VEPH1: variants seen among roughly 807,000 people sequenced by gnomAD.
VEPH1 encodes the protein ventricular zone-expressed PH domain-containing protein homolog 1.
Under a neutral mutation model 85.2 loss-of-function variants are expected in VEPH1, and 80 were observed. The ratio of observed to expected loss-of-function variants is 0.94; its 90% CI spans 0.78 to 1.13. The LOEUF (loss-of-function observed/expected upper bound fraction) is 1.13. Among genes scored for constraint, VEPH1 ranks in the 50% most tolerant of loss-of-function variants. The pLI is 0.00. For missense variants in VEPH1, 955 were observed against 980.5 expected (o/e 0.97, Z 0.35); for synonymous variants, 297 against 348.0 (o/e 0.85, Z 1.63).
At chr3:157,412,392 A>G (rs950603362) in intron 6 of VEPH1, among the ~76,000 whole-genome samples, 5 of 152,168 alleles carry the variant, frequency 3.3e-5, no homozygotes, top group Non-Finnish European at 7.4e-5. Context: ...AGTGTGCATT[A>G]CTATACATTA....
At chr3:157,461,890 A>G (rs905349131) in intron 3 of VEPH1, among the ~76,000 whole-genome samples, 2 of 152,158 alleles carry the variant, frequency 1.3e-5, no homozygotes, top group African/African-American at 4.8e-5. Context: ...TAACTCAAAA[A>G]TAATTAACAA....
At chr3:157,263,960 G>A (rs1045672747) in intron 13 of VEPH1, among the ~76,000 whole-genome samples, 6 of 152,082 alleles carry the variant, frequency 3.9e-5, no homozygotes, top group Non-Finnish European at 8.8e-5. Flanking sequence ...AACTTGACTG[G>A]GCTAATGGGT....
At chr3:157,426,196 G>A (rs1732741128) in intron 5 of VEPH1, among the ~76,000 whole-genome samples, 1 of 152,178 alleles carries the variant, frequency 6.6e-6, no homozygotes, top group Non-Finnish European at 1.5e-5. Flanking sequence ...GTACCCTCCA[G>A]AATCCATTTC....
intron 7 of VEPH1, among the ~76,000 whole-genome samples, chr3:157,364,782 TG>T (rs1726448117): frequency 1.3e-5 from 2 of 152,242 alleles, no homozygotes; most frequent in Admixed American, 6.5e-5. Context: ...GCAGTTTTTA[TG>T]CTCATGTACC....
chr3:157,426,152 T>G (rs1172950546), intron 5 of VEPH1, among the ~76,000 whole-genome samples: 1 of 152,232 alleles, frequency 6.6e-6, no homozygotes, highest in Non-Finnish European at 1.5e-5. Flanking sequence ...TGGGTATATC[T>G]TTATCAGCAG....
intron 12 of VEPH1, chr3:157,284,875 A>G (rs1716577758): frequency 6.6e-6 from 1 of 152,244 alleles, no homozygotes; most frequent in African/African-American, 2.4e-5. Flanking sequence ...TGTGAGGAAC[A>G]CAAATAAGAA....
At chr3:157,444,711 G>A (rs1734409769) in intron 4 of VEPH1, among the ~76,000 whole-genome samples, 2 of 152,178 alleles carry the variant, frequency 1.3e-5, no homozygotes, top group South Asian at 4.1e-4. Flanking sequence ...TTTAAGTGAT[G>A]CCAGATGTTG....
rs116322484 is a variant in VEPH1, at chr3:157,467,277, A to G, written c.354+3037T>C. 9.3e-3 allele frequency among the ~76,000 whole-genome samples: 1,416 copies of G among 152,196 alleles called. 11 individuals carry two copies. The highest frequency in any genetic ancestry group is 0.013 in the Non-Finnish European group (898 of 67,996). On this transcript the variant is annotated intron_variant, in intron 3 of 13. Coordinates refer to ENST00000362010, the MANE Select transcript of VEPH1 (RefSeq NM_001167912.2). ...CAGACAGTAAGACCCTGGGTTGCTTATCTGGGGAGATGGGATGGGTGGAGA... is the reference window on the plus strand; with the variant it reads ...CAGACAGTAAGACCCTGGGTTGCTTGTCTGGGGAGATGGGATGGGTGGAGA...
intron 11 of VEPH1, among the ~76,000 whole-genome samples, chr3:157,300,387 A>T (rs532304051): frequency 8.5e-5 from 13 of 152,322 alleles, no homozygotes; most frequent in African/African-American, 2.4e-4. Context: ...CTAACTGTGA[A>T]GGAATGTTCA....
At chr3:157,464,592 T>C (rs995830257) in intron 3 of VEPH1, among the ~76,000 whole-genome samples, 2 of 152,226 alleles carry the variant, frequency 1.3e-5, no homozygotes, top group African/African-American at 2.4e-5. Context: ...GGGGACAATT[T>C]AGCTGTAGAG....
intron 9 of VEPH1, among the ~76,000 whole-genome samples, chr3:157,335,276 T>G (rs1722859397): frequency 6.6e-6 from 1 of 150,502 alleles, no homozygotes; most frequent in Non-Finnish European, 1.5e-5. Context: ...CCTGTGCTTG[T>G]AGTTCCAGCT....
intron 4 of VEPH1, among the ~76,000 whole-genome samples, chr3:157,442,144 C>T (rs1335644647): frequency 6.6e-6 from 1 of 152,070 alleles, no homozygotes; most frequent in African/African-American, 2.4e-5. Context: ...CGTGCTTTCT[C>T]TTCATTTAGA....
chr3:157,265,387 G>T, intron 13 of VEPH1, 139 bp downstream of exon 13: 1 of 924,338 alleles, frequency 1.1e-6, no homozygotes, highest in Non-Finnish European at 1.6e-6. Context: ...ACACAGAAAT[G>T]TGTGATAAAA....
At chr3:157,423,333 G>A (rs1337676021) in intron 5 of VEPH1, among the ~76,000 whole-genome samples, 1 of 152,214 alleles carries the variant, frequency 6.6e-6, no homozygotes, top group Non-Finnish European at 1.5e-5. Flanking sequence ...CTCTAGCCTT[G>A]CTCCTCAAAA....
At position 157,261,071 on chromosome 3, in the gene VEPH1, T is replaced by G; in HGVS notation, c.*63A>C. On this transcript the variant is annotated 3_prime_UTR_variant, in exon 14 of 14. Transcript: ENST00000362010. Reference sequence around the variant, plus strand: ...GCTTGGTAAATTTAGCTCTTTTTCTTGACATTGGCAATGATAATACAATGC... The same window carrying G: ...GCTTGGTAAATTTAGCTCTTTTTCTGGACATTGGCAATGATAATACAATGC... The G allele has an allele frequency of 1.3e-6, 2 of 1,571,926 alleles. No individual in the cohort carries two copies. The highest frequency in any genetic ancestry group is 1.7e-6 in the Non-Finnish European group (2 of 1,158,508).
Position 157,379,179 on chromosome 3 carries a change from A to G in VEPH1, c.1127+1977T>C, listed in dbSNP as rs550667110. Among the ~76,000 whole-genome samples the G allele has an allele frequency of 5.3e-5, 8 of 152,364 alleles. No homozygotes were observed. The East Asian group carries it at 1.5e-3, about 29-fold the overall frequency. Reference sequence around the variant, plus strand: ...AACAAACCCTTGCTTCTAACACAGCATGAAAGGCCTCTGATAATCTGCCTC... The same window carrying G: ...AACAAACCCTTGCTTCTAACACAGCGTGAAAGGCCTCTGATAATCTGCCTC... On this transcript the variant is annotated intron_variant, in intron 7 of 13. Coordinates refer to ENST00000362010, the MANE Select transcript of VEPH1 (RefSeq NM_001167912.2).
intron 6 of VEPH1, among the ~76,000 whole-genome samples, chr3:157,392,329 G>A (rs867256598): frequency 3.3e-5 from 5 of 152,188 alleles, no homozygotes; most frequent in Non-Finnish European, 5.9e-5. Context: ...GAGAGAGCAC[G>A]TATGTAGGGG....
chr3:157,375,234 G>A (rs911484785), intron 7 of VEPH1, among the ~76,000 whole-genome samples: 7 of 152,208 alleles, frequency 4.6e-5, no homozygotes, highest in African/African-American at 1.7e-4. Context: ...TACATATGCA[G>A]AATTTTTTGC....
chr3:157,347,089 G>GTAT, intron 9 of VEPH1, among the ~76,000 whole-genome samples: 1 of 151,974 alleles, frequency 6.6e-6, no homozygotes, highest in Non-Finnish European at 1.5e-5. Context: ...GAATTACTAA[G>GTAT]AAACTGTACA....
Sources: allele counts gnomAD v4.1 joint callset (sites outside exome capture counted in the v4.1 genomes callset), GRCh38; gene constraint gnomAD v4.1.1; transcripts MANE v1.5; gene names NCBI Gene and HGNC (gene_info 2026-07-23, HGNC 2026-07-21).